The following ZNF334 variants were observed in gnomAD, a reference collection of about 807,000 sequenced individuals.
ZNF334 encodes the protein zinc finger protein 334.
ZNF334 carries 14 observed loss-of-function variants against 12.4 expected under a neutral mutation model. That is an observed-to-expected ratio of 1.13 (90% CI 0.74 to 1.76). ZNF334 has a LOEUF of 1.76. Among genes scored for constraint, ZNF334 ranks in the 40% most tolerant of loss-of-function variants. The pLI is 0.00. For synonymous variants in ZNF334, 273 were observed against 269.6 expected (o/e 1.01, Z -0.12); for missense variants, 797 against 804.5 (o/e 0.99, Z 0.11).
At position 46,511,857 on chromosome 20, in the gene ZNF334, A is replaced by T. The variant is rs59938817; in HGVS notation, c.21+225T>A. Among the ~76,000 whole-genome samples the T allele has an allele frequency of 5.0e-3, 757 of 152,328 alleles. 6 individuals are homozygous for T. Among genetic ancestry groups the T allele is most frequent in the African/African-American group, 0.017 (719 of 41,582 alleles). On this transcript the variant is annotated intron_variant, in intron 2 of 4. Transcript: ENST00000692313. ...ATATAAATGATGGGAAAACCACACA[A>T]AAATCCAGTGTAAGGGCTATCTCAT... is the stretch of plus-strand genomic sequence containing the variant.
At chr20:46,464,414 C>A in the ZNF334 span, 1 of 504,814 alleles carries the variant, frequency 2.0e-6, no homozygotes, top group African/African-American at 1.9e-5. Flanking sequence ...GTGGCTGCAG[C>A]TGGAGAGGAT....
At chr20:46,465,958 A>T in the ZNF334 span, among the ~76,000 whole-genome samples, 1 of 152,168 alleles carries the variant, frequency 6.6e-6, no homozygotes, top group East Asian at 1.9e-4. Context: ...CGTCTAAAAA[A>T]AAAAAAATTA....
the ZNF334 span, among the ~76,000 whole-genome samples, chr20:46,488,995 G>C: frequency 1.3e-5 from 2 of 151,862 alleles, no homozygotes; most frequent in Non-Finnish European, 2.9e-5. Flanking sequence ...ATGTGTCTGA[G>C]TGTAATTCTC....
the ZNF334 span, among the ~76,000 whole-genome samples, chr20:46,471,712 C>T: frequency 6.6e-6 from 1 of 152,154 alleles, no homozygotes; most frequent in African/African-American, 2.4e-5. Context: ...ATTCCTTCCC[C>T]ACTGCTCTGC....
At chr20:46,472,122 C>T in the ZNF334 span, among the ~76,000 whole-genome samples, 14,798 of 152,138 alleles carry the variant, frequency 0.097, 894 homozygotes, top group African/African-American at 0.18. Flanking sequence ...CATGTCTTTC[C>T]AGCATAATAG....
chr20:46,505,933 T>G (rs2061413676), intron 2 of ZNF334: 1 of 155,664 alleles, frequency 6.4e-6, no homozygotes, highest in South Asian at 2.1e-4. Flanking sequence ...AAGGAGAGAA[T>G]CAGTCCTACA....
At chr20:46,504,475 C>T in intron 3 of ZNF334, 139 bp downstream of exon 3, 1 of 1,237,838 alleles carries the variant, frequency 8.1e-7, no homozygotes, top group Non-Finnish European at 1.1e-6. Context: ...AATACATACA[C>T]AAACTTCTAC....
the ZNF334 span, chr20:46,474,741 G>C: frequency 6.6e-6 from 1 of 152,220 alleles, no homozygotes; most frequent in Admixed American, 6.5e-5. Flanking sequence ...GAAGTATAAA[G>C]AGCAAAATGC....
chr20:46,488,417 T>TATATATATATATATATATATA, the ZNF334 span, among the ~76,000 whole-genome samples: 17 of 98,010 alleles, frequency 1.7e-4, no homozygotes, highest in African/African-American at 8.4e-4. Flanking sequence ...GTAGCTCTTA[T>TATATATATATATATATATATA]TTTATATATA....
the ZNF334 span, among the ~76,000 whole-genome samples, chr20:46,483,431 C>A: frequency 1.3e-5 from 2 of 151,518 alleles, no homozygotes; most frequent in South Asian, 2.1e-4. Context: ...TTATTATTTT[C>A]TTTTATCTGG....
intron 2 of ZNF334, among the ~76,000 whole-genome samples, chr20:46,510,545 G>A (rs945101054): frequency 2.0e-5 from 3 of 151,960 alleles, no homozygotes; most frequent in Admixed American, 6.6e-5. Context: ...CTAACATGGC[G>A]AAACCCCGTC....
chr20:46,470,449 A>T, the ZNF334 span, among the ~76,000 whole-genome samples: 2 of 152,198 alleles, frequency 1.3e-5, no homozygotes, highest in Non-Finnish European at 2.9e-5. Context: ...TTTCTGTGGG[A>T]GAGGCAGGAG....
At position 46,503,027 on chromosome 20, in the gene ZNF334, G is replaced by A; in HGVS notation, c.312C>T (p.Ser104=). The change falls in exon 5 of 5, where the codon AGC becomes AGT. Residue 104 remains serine, a synonymous_variant. Coordinates refer to ENST00000692313, the MANE Select transcript of ZNF334 (RefSeq NM_001353824.2). ...DKHLTQTVFF[S]NKTLITEREN... is the part of the protein sequence containing the mutation. ...CTCTTTCTGTAATCAGTGTTTTGTT[G>A]CTGAAGAATACAGTTTGTGTCAAAT... 6.2e-7 allele frequency: 1 copy of A among 1,613,550 alleles called. No individual in the cohort carries two copies. The highest frequency in any genetic ancestry group is 8.5e-7 in the Non-Finnish European group (1 of 1,179,818).
chr20:46,477,441 T>G, the ZNF334 span, among the ~76,000 whole-genome samples: 6 of 152,104 alleles, frequency 3.9e-5, no homozygotes, highest in Non-Finnish European at 5.9e-5. Context: ...GGGGCTCAAG[T>G]GATCTTCTCA....
chr20:46,484,715 A>T, the ZNF334 span: 1 of 163,838 alleles, frequency 6.1e-6, no homozygotes, highest in Non-Finnish European at 1.5e-5. Flanking sequence ...AAAGCATCGT[A>T]GCTCTGTGTT....
At chr20:46,508,224 C>A (rs116884294) in intron 2 of ZNF334, among the ~76,000 whole-genome samples, 84 of 152,296 alleles carry the variant, frequency 5.5e-4, no homozygotes, top group South Asian at 1.5e-3. Context: ...CACCATTTCA[C>A]ACAAAACAAG....
chr20:46,506,251 T>C lies in ZNF334; in HGVS notation c.22-1511A>G, dbSNP rs564292720. 1.8e-5 allele frequency: 9 copies of C among 493,378 alleles called. 1 individual carries two copies. Among genetic ancestry groups the C allele is most frequent in the Admixed American group, 7.2e-5 (2 of 27,640 alleles). The allele number at this position is 493,378 out of a possible 1,614,324, so 30.6% of individuals were successfully genotyped here. A position where few individuals can be genotyped will look rare whatever the true frequency, so the allele number is the denominator to read the frequency against. On this transcript the variant is annotated intron_variant, in intron 2 of 4. Coordinates refer to ENST00000692313, the MANE Select transcript of ZNF334 (RefSeq NM_001353824.2). ...GCATAAATAATGAGGAAGGTCTCCA[T>C]GAACTGATATGAAGTGAAAAAAGCA...
the ZNF334 span, among the ~76,000 whole-genome samples, chr20:46,487,578 CTTCAAGTAT>C: frequency 4.6e-5 from 7 of 152,272 alleles, no homozygotes; most frequent in African/African-American, 1.7e-4. Flanking sequence ...GATAATCTTG[CTTCAAGTAT>C]TTTGAAGCTC....
At chr20:46,478,541 C>G in the ZNF334 span, among the ~76,000 whole-genome samples, 11 of 152,148 alleles carry the variant, frequency 7.2e-5, no homozygotes, top group Non-Finnish European at 1.5e-4. Context: ...TTATTCTTAT[C>G]AGACTTAGAG....
Sources: allele counts gnomAD v4.1 joint callset (sites outside exome capture counted in the v4.1 genomes callset), GRCh38; gene constraint gnomAD v4.1.1; transcripts MANE v1.5; gene names NCBI Gene and HGNC (gene_info 2026-07-23, HGNC 2026-07-21).